POLN: variants seen among roughly 807,000 people sequenced by gnomAD.
POLN encodes the protein DNA polymerase N.
POLN carries 108 observed loss-of-function variants against 113.5 expected under a neutral mutation model. The observed-to-expected ratio is 0.95, with a 90% CI of 0.81 to 1.12. POLN has a LOEUF of 1.12. POLN is among the 50% of genes most tolerant of loss of function. POLN has a pLI of 0.00. For missense variants in POLN, 1,097 were observed against 1,077.1 expected (o/e 1.02, Z -0.26); for synonymous variants, 386 against 391.5 (o/e 0.99, Z 0.17).
rs1219511747 is a variant in POLN at position 2,078,580 on chromosome 4, T to C, written c.2387+2378A>G. 3 of 983,312 alleles carry C rather than the reference T, an allele frequency of 3.1e-6. No homozygotes were observed. In the East Asian group the frequency reaches 3.5e-4, roughly 113 times the overall value. 60.9% of individuals were successfully genotyped at this position (983,312 alleles called of 1,614,324 possible). A position where few individuals can be genotyped will look rare whatever the true frequency, so the allele number is the denominator to read the frequency against. On this transcript the variant is annotated intron_variant, in intron 23 of 25. Coordinates refer to ENST00000511885, the MANE Select transcript of POLN (RefSeq NM_181808.4). The stretch of plus-strand genomic sequence containing the variant: ...CACCGTGTGCCTCCCAGTGATCGAG[T>C]TTCATGCCTGCTGCTTCAGCGAGAG...
At chr4:2,079,478 G>T in intron 23 of POLN, 1 of 985,682 alleles carries the variant, frequency 1.0e-6, no homozygotes, top group Non-Finnish European at 1.2e-6. Context: ...GTATGCATGG[G>T]TGAACACGTG....
At chr4:2,119,276 T>C (rs772625467) in intron 19 of POLN, among the ~76,000 whole-genome samples, 2 of 152,246 alleles carry the variant, frequency 1.3e-5, no homozygotes, top group Non-Finnish European at 2.9e-5. Context: ...AATTGTTTTG[T>C]ATTTGCATTT....
At chr4:2,102,498 C>T (rs1443358950) in intron 19 of POLN, among the ~76,000 whole-genome samples, 2 of 152,194 alleles carry the variant, frequency 1.3e-5, no homozygotes, top group African/African-American at 4.8e-5. Context: ...ACCACTGCTA[C>T]TACCATCACT....
Position 2,091,800 on chromosome 4 carries a change from T to TGTGTGCGC in POLN, c.2065+4050_2065+4051insGCGCACAC, listed in dbSNP as rs577896956. On this transcript the variant is annotated intron_variant, in intron 20 of 25. Transcript: ENST00000511885. ...GTGTGTGTGTGTGTGTGTGTGTGTG[T>TGTGTGCGC]GCGCGCGCTACAATTTGACGTTTAG... is the stretch of plus-strand genomic sequence containing the variant. 8.6e-3 allele frequency among the ~76,000 whole-genome samples: 1,242 copies of TGTGTGCGC among 144,916 alleles called. 6 individuals are homozygous for TGTGTGCGC. Among genetic ancestry groups the TGTGTGCGC allele is most frequent in the Middle Eastern group, 0.028 (8 of 286 alleles).
In POLN at chr4:2,081,126, T is replaced by A. The variant is rs1211165119; in HGVS notation, c.2309-90A>T. On this transcript the variant is annotated intron_variant, in intron 22 of 25. Transcript: ENST00000511885. ...TGCACCATCGCCACAGCTCTCACGG[T>A]ACCTCCACACAGAGGTGCTGGCTCT... 1.9e-6 allele frequency: 3 copies of A among 1,605,708 alleles called. No homozygotes were observed. In the African/African-American group the frequency reaches 4.0e-5, roughly 21 times the overall value.
At chr4:2,203,319 C>T (rs948510764) in intron 5 of POLN, among the ~76,000 whole-genome samples, 8 of 152,050 alleles carry the variant, frequency 5.3e-5, no homozygotes, top group African/African-American at 1.2e-4. Context: ...CGGTGGTTCA[C>T]GCCTGTAATC....
At chr4:2,122,990 C>T (rs1430862659) in intron 19 of POLN, among the ~76,000 whole-genome samples, 1 of 150,224 alleles carries the variant, frequency 6.7e-6, no homozygotes, top group Admixed American at 6.6e-5. Flanking sequence ...GAGCCTCTAC[C>T]AAAAAGAAAA....
intron 5 of POLN, among the ~76,000 whole-genome samples, chr4:2,201,804 G>A (rs570760365): frequency 6.6e-6 from 1 of 152,242 alleles, no homozygotes; most frequent in African/African-American, 2.4e-5. Flanking sequence ...TGAGGCAAAA[G>A]CACCAGGTAA....
rs369576163 is a variant in POLN at position 2,072,235 on chromosome 4, G to T, written c.2582C>A (p.Ala861Asp). Reference protein sequence around the residue: ...SWGHLVPLQEAWGPPPGPCRT... With the variant: ...SWGHLVPLQEDWGPPPGPCRT... ...ACATGGGCCTGGCGGAGGGCCCCAG[G>T]CCTCCTGCAGTGGCACCAGGTGTCC... The change falls in exon 26 of 26, where the codon GCC becomes GAC. Residue 861 changes from alanine to aspartate, a missense_variant. Ala to Asp is a moderately radical substitution (Grantham distance 126). Transcript: ENST00000511885. 5.6e-6 allele frequency: 9 copies of T among 1,602,106 alleles called. No individual in the cohort carries two copies. In the South Asian group the frequency reaches 9.9e-5, roughly 18 times the overall value.
At chr4:2,218,277 C>CAAAAAAAAAAAA (rs376746658) in intron 3 of POLN, among the ~76,000 whole-genome samples, 1 of 89,800 alleles carries the variant, frequency 1.1e-5, no homozygotes, top group African/African-American at 3.8e-5. Flanking sequence ...ACTAAAAATA[C>CAAAAAAAAAAAA]AAAAAAAAAA....
intron 13 of POLN, among the ~76,000 whole-genome samples, chr4:2,165,662 G>A (rs1034393229): frequency 9.9e-5 from 15 of 152,138 alleles, no homozygotes; most frequent in South Asian, 4.1e-4. Flanking sequence ...TTCTGTCGAG[G>A]ATGTTGATAG....
intron 20 of POLN, among the ~76,000 whole-genome samples, chr4:2,091,375 G>A (rs992682449): frequency 1.3e-5 from 2 of 152,298 alleles, no homozygotes; most frequent in African/African-American, 4.8e-5. Flanking sequence ...AGCGGACGGT[G>A]TGGTGGCTCC....
chr4:2,080,740 A>G, intron 23 of POLN: 1 of 1,428,260 alleles, frequency 7.0e-7, no homozygotes, highest in South Asian at 1.4e-5. Context: ...TTCTGTCTGG[A>G]GAGGCCTCAT....
chr4:2,144,982 A>G (rs1036414770), intron 16 of POLN, among the ~76,000 whole-genome samples: 4 of 152,230 alleles, frequency 2.6e-5, no homozygotes, highest in Admixed American at 6.5e-5. Context: ...TTGAGAGCCT[A>G]GAAACAGACC....
chr4:2,202,723 C>CAAAAAA (rs34712930), intron 5 of POLN, among the ~76,000 whole-genome samples: 1 of 36,842 alleles, frequency 2.7e-5, no homozygotes, highest in Admixed American at 3.1e-4. Context: ...GACTCTGTCT[C>CAAAAAA]AAAAAAAAAA....
chr4:2,150,716 C>A (rs991266365), intron 16 of POLN, among the ~76,000 whole-genome samples: 1 of 151,958 alleles, frequency 6.6e-6, no homozygotes, highest in African/African-American at 2.4e-5. Flanking sequence ...TAGACAAAGG[C>A]GCCAAGGTAA....
intron 19 of POLN, among the ~76,000 whole-genome samples, chr4:2,115,783 T>G (rs1170059571): frequency 6.6e-6 from 1 of 152,242 alleles, no homozygotes; most frequent in Non-Finnish European, 1.5e-5. Context: ...GGGTCTGGAC[T>G]TCATTGCAAC....
rs778806938 is a variant in POLN, at chr4:2,081,720, T to C, written c.2221A>G (p.Arg741Gly). Residue 741 changes from arginine to glycine, a missense_variant, in exon 22 of 26, where the codon AGA becomes GGA. Physicochemically the swap from Arg to Gly is moderately radical, Grantham distance 125 (BLOSUM62 -2). Coordinates refer to ENST00000511885, the MANE Select transcript of POLN (RefSeq NM_181808.4). ...QTGCVVSIMG[R>G]RRPLPRIHAH... ...TGAATCCTTGGCAGGGGTCTCCTTC[T>C]GCCCATGATGGACACCACACAGCCT... 4 of 1,614,088 alleles carry C rather than the reference T, an allele frequency of 2.5e-6. No homozygotes were observed. The South Asian group carries it at 3.3e-5, about 13-fold the overall frequency.
intron 2 of POLN, among the ~76,000 whole-genome samples, chr4:2,232,770 C>T (rs1734629584): frequency 6.6e-6 from 1 of 152,156 alleles, no homozygotes; most frequent in African/African-American, 2.4e-5. Context: ...AATTCAAATT[C>T]CTCAGTGTCT....
Sources: allele counts gnomAD v4.1 joint callset (sites outside exome capture counted in the v4.1 genomes callset), GRCh38; gene constraint gnomAD v4.1.1; transcripts MANE v1.5; gene names NCBI Gene and HGNC (gene_info 2026-07-23, HGNC 2026-07-21).